The following GRM7 variants were observed in gnomAD, a reference collection of about 807,000 sequenced individuals.
GRM7 encodes glutamate metabotropic receptor 7.
Under a neutral mutation model 84.5 loss-of-function variants are expected in GRM7, and 35 were observed. The observed-to-expected ratio is 0.41, with a 90% CI of 0.32 to 0.55. GRM7 has a LOEUF of 0.55. GRM7 is among the 20% of genes least tolerant of loss of function. The pLI is 0.19. For missense variants in GRM7, 1,003 were observed against 1,194.6 expected (o/e 0.84, Z 2.36); for synonymous variants, 487 against 455.1 (o/e 1.07, Z -0.89).
intron 9 of GRM7, among the ~76,000 whole-genome samples, chr3:7,720,319 T>C (rs1559504974): frequency 6.6e-6 from 1 of 152,146 alleles, no homozygotes; most frequent in Admixed American, 6.6e-5. Context: ...CTTTTTTTTT[T>C]CCTCCAGCCA....
chr3:7,433,750 G>A (rs1047624728), intron 5 of GRM7, among the ~76,000 whole-genome samples: 3 of 152,118 alleles, frequency 2.0e-5, no homozygotes, highest in East Asian at 3.9e-4. Context: ...TATTCCCTAA[G>A]GAATGTTGAA....
chr3:7,065,717 T>A (rs1697629657), intron 1 of GRM7, among the ~76,000 whole-genome samples: 1 of 151,888 alleles, frequency 6.6e-6, no homozygotes, highest in African/African-American at 2.4e-5. Context: ...TTTTTTCTAA[T>A]TCTGTGAAGA....
At chr3:7,113,996 G>A (rs919481287) in intron 1 of GRM7, among the ~76,000 whole-genome samples, 3 of 152,144 alleles carry the variant, frequency 2.0e-5, no homozygotes, top group African/African-American at 7.2e-5. Flanking sequence ...ATTTTGAACA[G>A]ATATTTATCT....
intron 1 of GRM7, among the ~76,000 whole-genome samples, chr3:7,025,720 C>T (rs190263296): frequency 6.6e-6 from 1 of 152,152 alleles, no homozygotes; most frequent in Non-Finnish European, 1.5e-5. Flanking sequence ...ACATCTTACT[C>T]TAACATTGGC....
At chr3:7,636,870 G>T (rs1170587100) in intron 8 of GRM7, among the ~76,000 whole-genome samples, 3 of 151,874 alleles carry the variant, frequency 2.0e-5, no homozygotes, top group Non-Finnish European at 4.4e-5. Context: ...CAGGGTTACT[G>T]GCAAATTATA....
chr3:7,546,556 A>C lies in GRM7; in HGVS notation c.1516-31866A>C, dbSNP rs376953782. Among the ~76,000 whole-genome samples, 4 of 152,244 alleles carry C rather than the reference A, an allele frequency of 2.6e-5. No homozygotes were observed. In the East Asian group the frequency reaches 5.8e-4, roughly 22 times the overall value. On this transcript the variant is annotated intron_variant, in intron 7 of 9. Coordinates refer to ENST00000357716, the MANE Select transcript of GRM7 (RefSeq NM_000844.4). ...ATGCCCTACAGAGAAGCAAGTGAAA[A>C]ACAAAGCCTTCTCCTGACCTTGGCT...
intron 2 of GRM7, among the ~76,000 whole-genome samples, chr3:7,218,093 A>G (rs771626236): frequency 6.6e-6 from 1 of 152,160 alleles, no homozygotes; most frequent in Non-Finnish European, 1.5e-5. Flanking sequence ...GATATGACTA[A>G]CAGTGTAGCA....
At chr3:7,342,351 C>G (rs145078326) in intron 4 of GRM7, among the ~76,000 whole-genome samples, 5 of 152,270 alleles carry the variant, frequency 3.3e-5, no homozygotes, top group African/African-American at 1.2e-4. Context: ...TCTCTGATGT[C>G]TCTACAGGGT....
At chr3:7,374,339 C>A (rs1694256963) in intron 4 of GRM7, among the ~76,000 whole-genome samples, 1 of 152,014 alleles carries the variant, frequency 6.6e-6, no homozygotes, top group Non-Finnish European at 1.5e-5. Context: ...TGTACCATCC[C>A]TGGCTAATAT....
chr3:7,200,971 T>C (rs1013959349), intron 2 of GRM7, among the ~76,000 whole-genome samples: 1 of 137,246 alleles, frequency 7.3e-6, no homozygotes, highest in Non-Finnish European at 1.6e-5. Context: ...AGAATTTTTT[T>C]TTTTTTTTTT....
rs1694771626 is a variant in GRM7 at position 6,862,019 on chromosome 3, C to G, written c.519+112C>G. 1.2e-6 allele frequency: 1 copy of G among 853,124 alleles called. No individual in the cohort carries two copies. Among genetic ancestry groups the G allele is most frequent in the Non-Finnish European group, 1.8e-6 (1 of 556,688 alleles). 52.8% of individuals were successfully genotyped at this position (853,124 alleles called of 1,614,324 possible). On this transcript the variant is annotated intron_variant, in intron 1 of 9. Coordinates refer to ENST00000357716, the MANE Select transcript of GRM7 (RefSeq NM_000844.4). This position sits in a 1 kb window ranked among gnomAD's most constrained non-coding sequence, Gnocchi z 5.2. ...GGTCAGGTCAGCCTTCGCTCATTTC[C>G]TCCCTGGAGATCCTGCCGAATCCCT...
At chr3:7,052,761 G>A in intron 1 of GRM7, among the ~76,000 whole-genome samples, 1 of 49,588 alleles carries the variant, frequency 2.0e-5, no homozygotes, top group Non-Finnish European at 3.9e-5. Context: ...GTATTTTTTT[G>A]TTTGAATACA....
At chr3:7,466,476 G>C (rs1029295114) in intron 7 of GRM7, among the ~76,000 whole-genome samples, 11 of 152,212 alleles carry the variant, frequency 7.2e-5, no homozygotes, top group Admixed American at 5.9e-4. Flanking sequence ...GAAATGGAAT[G>C]TGGATGCTTA....
In GRM7 at chr3:7,360,336, AGAAG is replaced by A. The variant is rs1237154097; in HGVS notation, c.1033+53689_1033+53692del. ...AGTCTTTTTTAATTTGGACTTTTAA[AGAAG>A]GAAGACAATTAAAATTAGTAAAAAG... On this transcript the variant is annotated intron_variant, in intron 4 of 9. Transcript: ENST00000357716. Among the ~76,000 whole-genome samples the A allele has an allele frequency of 1.3e-5, 2 of 149,162 alleles. 1 individual carries two copies. Among genetic ancestry groups the A allele is most frequent in the Non-Finnish European group, 3.0e-5 (2 of 67,530 alleles).
intron 1 of GRM7, among the ~76,000 whole-genome samples, chr3:7,090,533 C>G (rs577269214): frequency 6.6e-6 from 1 of 152,326 alleles, no homozygotes; most frequent in African/African-American, 2.4e-5. Context: ...CTTCAACCAG[C>G]TAACACTGAG....
chr3:7,487,342 T>C (rs1345022541), intron 7 of GRM7, among the ~76,000 whole-genome samples: 1 of 152,114 alleles, frequency 6.6e-6, no homozygotes, highest in Non-Finnish European at 1.5e-5. Flanking sequence ...CTGAAGAGAA[T>C]GCTGAGGGTG....
chr3:7,245,690 A>T (rs1401954184), intron 2 of GRM7, among the ~76,000 whole-genome samples: 1 of 152,078 alleles, frequency 6.6e-6, no homozygotes, highest in Non-Finnish European at 1.5e-5. Flanking sequence ...AATTTGAAAA[A>T]CATAAGGGAA....
At chr3:7,362,528 T>A (rs550823577) in intron 4 of GRM7, among the ~76,000 whole-genome samples, 2 of 152,204 alleles carry the variant, frequency 1.3e-5, no homozygotes, top group African/African-American at 4.8e-5. Context: ...TTAAGTTAAG[T>A]ATGATTCCTA....
chr3:7,452,785 T>C lies in GRM7; in HGVS notation c.1353T>C (p.Tyr451=), dbSNP rs760052014. 1.9e-6 allele frequency: 3 copies of C among 1,611,524 alleles called. No homozygotes were observed. The highest frequency in any genetic ancestry group is 2.2e-5 in the South Asian group (2 of 91,002). The change falls in exon 6 of 10, where the codon TAT becomes TAC. Residue 451 remains tyrosine (Y), a synonymous_variant. Transcript: ENST00000357716. ...CTGGAGGCAAGAAGTTGCTGAAGTATATACGCAATGTTAATTTCAATGGTG... is the reference window on the plus strand; with the variant it reads ...CTGGAGGCAAGAAGTTGCTGAAGTACATACGCAATGTTAATTTCAATGGTG... ...EQAGGKKLLK[Y]IRNVNFNGSA...
Sources: allele counts gnomAD v4.1 joint callset (sites outside exome capture counted in the v4.1 genomes callset), GRCh38; gene constraint gnomAD v4.1.1; non-coding constraint Gnocchi (gnomAD v3.1); transcripts MANE v1.5; gene names NCBI Gene and HGNC (gene_info 2026-07-23, HGNC 2026-07-21).